The following EPHA6 variants were observed in gnomAD, a reference collection of about 807,000 sequenced individuals.
The protein encoded by EPHA6 is EPH receptor A6, also known as ephrin type-A receptor 6.
EPHA6 carries 50 observed loss-of-function variants against 112.0 expected under a neutral mutation model. The ratio of observed to expected loss-of-function variants is 0.45; its 90% CI spans 0.36 to 0.56. The LOEUF is 0.56. EPHA6 is among the 20% of genes least tolerant of loss of function. The probability of loss-of-function intolerance (pLI) is 0.00; values close to 1 mark genes in which losing one functional copy is unlikely to be tolerated. For missense variants in EPHA6, 1,280 were observed against 1,417.4 expected (o/e 0.90, Z 1.56); for synonymous variants, 529 against 490.7 (o/e 1.08, Z -1.03).
intron 5 of EPHA6, among the ~76,000 whole-genome samples, chr3:97,258,354 A>G (rs2079387650): frequency 6.6e-6 from 1 of 152,040 alleles, no homozygotes; most frequent in Admixed American, 6.6e-5. Flanking sequence ...TTTCAATGTT[A>G]TGATACTTTT....
In EPHA6 at chr3:97,758,546, T is replaced by A. The variant is rs956356369; in HGVS notation, c.*9845T>A. On this transcript the variant is annotated 3_prime_UTR_variant, in exon 18 of 18. Transcript: ENST00000389672. The stretch of plus-strand genomic sequence containing the variant: ...ATTGTCCTGTTCGAAGCACTGAGGA[T>A]ACATGGTGACCAAGACAAGCAAAGT... Among the ~76,000 whole-genome samples the A allele has an allele frequency of 6.6e-6, 1 of 152,078 alleles. No individual in the cohort carries two copies. Among genetic ancestry groups the A allele is most frequent in the East Asian group, 1.9e-4 (1 of 5,180 alleles).
intron 3 of EPHA6, among the ~76,000 whole-genome samples, chr3:97,148,454 G>A (rs2076094106): frequency 6.6e-6 from 1 of 152,014 alleles, no homozygotes; most frequent in Non-Finnish European, 1.5e-5. Flanking sequence ...GGCAATCAGA[G>A]TGAGACCTTG....
chr3:97,169,954 G>T (rs2076647257), intron 3 of EPHA6, among the ~76,000 whole-genome samples: 1 of 152,098 alleles, frequency 6.6e-6, no homozygotes, highest in African/African-American at 2.4e-5. Flanking sequence ...TCACACAGTG[G>T]TGCTTGTCAG....
At chr3:97,457,149 G>GT (rs1434407112) in intron 7 of EPHA6, among the ~76,000 whole-genome samples, 1 of 152,166 alleles carries the variant, frequency 6.6e-6, no homozygotes, top group Non-Finnish European at 1.5e-5. Context: ...ACCCTCATCT[G>GT]TTGCATGGTC....
At chr3:96,899,228 C>T (rs2107566059) in intron 2 of EPHA6, among the ~76,000 whole-genome samples, 1 of 152,240 alleles carries the variant, frequency 6.6e-6, no homozygotes, top group South Asian at 2.1e-4. Flanking sequence ...AGGTGTATCA[C>T]TCTACCTTCT....
intron 2 of EPHA6, among the ~76,000 whole-genome samples, chr3:96,916,139 T>C (rs1328599805): frequency 6.6e-6 from 1 of 152,134 alleles, no homozygotes; most frequent in African/African-American, 2.4e-5. Flanking sequence ...TCCATATTTA[T>C]GGATGATTAA....
At chr3:97,374,945 A>G (rs1026008313) in intron 5 of EPHA6, among the ~76,000 whole-genome samples, 70 of 152,288 alleles carry the variant, frequency 4.6e-4, no homozygotes, top group Non-Finnish European at 5.9e-5. Context: ...GTCAACACTT[A>G]TTAGACCTAA....
intron 10 of EPHA6, among the ~76,000 whole-genome samples, chr3:97,485,825 G>A (rs2091685683): frequency 1.3e-5 from 2 of 152,118 alleles, no homozygotes; most frequent in African/African-American, 4.8e-5. Flanking sequence ...TCTTCTTCTT[G>A]CACCTGTGAA....
Position 97,226,412 on chromosome 3 carries a change from A to G in EPHA6, c.1263A>G (p.Ala421=). 2 of 1,612,212 alleles carry G rather than the reference A, an allele frequency of 1.2e-6. No homozygotes were observed. Among genetic ancestry groups the G allele is most frequent in the East Asian group, 2.2e-5 (1 of 44,838 alleles). ...CTGAAAAAGACCCACCTTCTATGGC[A>G]TGTACCAGTAAGTCTATACATTTTG... ...FRAEKDPPSM[A]CTRPPSAPRN... The change falls in exon 4 of 18, where the codon GCA becomes GCG. Residue 421 remains alanine, a synonymous_variant. Transcript: ENST00000389672.
intron 14 of EPHA6, among the ~76,000 whole-genome samples, chr3:97,706,495 C>T (rs1219112506): frequency 6.6e-6 from 1 of 152,184 alleles, no homozygotes; most frequent in Non-Finnish European, 1.5e-5. Context: ...ACCAAGTCTT[C>T]GCTGTCATGG....
intron 2 of EPHA6, among the ~76,000 whole-genome samples, chr3:96,936,253 A>G (rs1002524269): frequency 6.6e-6 from 1 of 152,106 alleles, no homozygotes; most frequent in Non-Finnish European, 1.5e-5. Flanking sequence ...TTTAGTTTCC[A>G]CTTAACATTT....
At chr3:97,684,777 C>G (rs898601462) in intron 14 of EPHA6, among the ~76,000 whole-genome samples, 1 of 152,086 alleles carries the variant, frequency 6.6e-6, no homozygotes, top group Non-Finnish European at 1.5e-5. Flanking sequence ...AATCAGAAAC[C>G]AGTCTGTACA....
chr3:97,586,794 A>T (rs1329014308), intron 11 of EPHA6, among the ~76,000 whole-genome samples: 1 of 152,196 alleles, frequency 6.6e-6, no homozygotes, highest in East Asian at 1.9e-4. Flanking sequence ...CTTCAGGGAA[A>T]GTAGCCCTTG....
chr3:97,210,593 T>C (rs9289324), intron 3 of EPHA6, among the ~76,000 whole-genome samples: 37,424 of 152,084 alleles, frequency 0.25, 12,013 homozygotes, highest in African/African-American at 0.73. Context: ...AAAATAAGCA[T>C]GGTGTTCCAA....
intron 11 of EPHA6, among the ~76,000 whole-genome samples, chr3:97,583,965 A>G (rs1284319282): frequency 6.6e-6 from 1 of 152,204 alleles, no homozygotes; most frequent in Non-Finnish European, 1.5e-5. Flanking sequence ...AGAACTTTAG[A>G]ATTTTAAAAG....
chr3:96,918,631 T>C (rs990792582), intron 2 of EPHA6, among the ~76,000 whole-genome samples: 2 of 152,056 alleles, frequency 1.3e-5, no homozygotes, highest in Non-Finnish European at 2.9e-5. Flanking sequence ...TTATTTAAGG[T>C]AATTTATAGT....
intron 2 of EPHA6, among the ~76,000 whole-genome samples, chr3:96,885,874 T>G (rs752378112): frequency 2.0e-5 from 3 of 152,206 alleles, no homozygotes; most frequent in Non-Finnish European, 4.4e-5. Flanking sequence ...CTATGAACTT[T>G]CCTCTTAGCA....
At chr3:97,605,027 G>A (rs936514704) in intron 12 of EPHA6, among the ~76,000 whole-genome samples, 1 of 151,410 alleles carries the variant, frequency 6.6e-6, no homozygotes, top group East Asian at 1.9e-4. Flanking sequence ...CTTTAGAATG[G>A]GAGACAGACA....
At chr3:97,130,677 C>T (rs2048313608) in intron 3 of EPHA6, among the ~76,000 whole-genome samples, 1 of 151,990 alleles carries the variant, frequency 6.6e-6, no homozygotes, top group Non-Finnish European at 1.5e-5. Flanking sequence ...AGCTATTCTC[C>T]TGCCAATATG....
Sources: allele counts gnomAD v4.1 joint callset (sites outside exome capture counted in the v4.1 genomes callset), GRCh38; gene constraint gnomAD v4.1.1; transcripts MANE v1.5; gene names NCBI Gene and HGNC (gene_info 2026-07-23, HGNC 2026-07-21).